The following EML1 variants were observed in gnomAD, a reference collection of about 807,000 sequenced individuals.
EML1 encodes the protein echinoderm microtubule-associated protein-like 1.
EML1 carries 27 observed loss-of-function variants against 110.4 expected under a neutral mutation model. The ratio of observed to expected loss-of-function variants is 0.24; its 90% CI spans 0.18 to 0.34. The LOEUF (loss-of-function observed/expected upper bound fraction) is 0.34. Ranked by LOEUF, EML1 falls within the 10% of genes least tolerant of loss-of-function variation. The pLI is 1.00. For missense variants in EML1, 741 were observed against 1,030.9 expected (o/e 0.72, Z 3.85); for synonymous variants, 344 against 385.8 (o/e 0.89, Z 1.27).
intron 1 of EML1, among the ~76,000 whole-genome samples, chr14:99,800,474 A>G (rs757118476): frequency 3.3e-5 from 5 of 151,704 alleles, no homozygotes; most frequent in Non-Finnish European, 7.4e-5. Context: ...CAATCCTCAC[A>G]CCTCAGCCTC....
Position 99,937,844 on chromosome 14 carries a change from T to C in EML1, c.2123T>C (p.Val708Ala). The C allele has an allele frequency of 6.2e-7, 1 of 1,614,138 alleles. No individual in the cohort carries two copies. The highest frequency in any genetic ancestry group is 8.5e-7 in the Non-Finnish European group (1 of 1,179,996). ...YWVPSACKQV[V>A]SVETTRDIEW... ...GTTCCCTCTGCCTGTAAGCAAGTCGTAAGTGTGGAAACTACAAGAGACATT... is the reference window on the plus strand; with the variant it reads ...GTTCCCTCTGCCTGTAAGCAAGTCGCAAGTGTGGAAACTACAAGAGACATT... Residue 708 changes from valine to alanine, a missense_variant, in exon 20 of 22, where the codon GTA becomes GCA. Physicochemically the swap from Val to Ala is moderately conservative, Grantham distance 64. This residue lies in a region of EML1 where 388 missense variants were observed against 605.6 expected (regional missense o/e 0.64). Transcript: ENST00000262233.
At chr14:99,899,673 T>C (rs1013593425) in intron 8 of EML1, among the ~76,000 whole-genome samples, 11 of 151,960 alleles carry the variant, frequency 7.2e-5, no homozygotes, top group African/African-American at 2.7e-4. Context: ...ATCAGACCAC[T>C]ATTATGTAAA....
intron 3 of EML1, among the ~76,000 whole-genome samples, chr14:99,869,153 C>CCAGACACATTTT (rs1259071831): frequency 6.6e-6 from 1 of 152,130 alleles, no homozygotes; most frequent in African/African-American, 2.4e-5. Flanking sequence ...CTTTATTGTG[C>CCAGACACATTTT]TTTAGAGATA....
intron 1 of EML1, among the ~76,000 whole-genome samples, chr14:99,810,404 T>C (rs1393176204): frequency 6.6e-6 from 1 of 152,184 alleles, no homozygotes; most frequent in Non-Finnish European, 1.5e-5. Context: ...ACATCTGCGG[T>C]TTATGGTTTT....
intron 17 of EML1, among the ~76,000 whole-genome samples, chr14:99,922,787 C>T (rs1244210003): frequency 6.6e-6 from 1 of 152,090 alleles, no homozygotes; most frequent in African/African-American, 2.4e-5. Context: ...CCAATATCTT[C>T]TTTGGTGAAA....
chr14:99,914,432 T>C, intron 14 of EML1, 128 bp downstream of exon 14: 5 of 1,528,982 alleles, frequency 3.3e-6, no homozygotes, highest in South Asian at 1.3e-5. Context: ...CTGTGGCTGC[T>C]GAAAGATGGG....
chr14:99,824,615 G>A (rs1292660247), intron 1 of EML1, among the ~76,000 whole-genome samples: 1 of 151,346 alleles, frequency 6.6e-6, no homozygotes, highest in African/African-American at 2.4e-5. Context: ...TGTAAAAATC[G>A]CTTTAGGGGT....
At position 99,897,286 on chromosome 14, in the gene EML1, C is replaced by T. The variant is rs200809929; in HGVS notation, c.819C>T (p.Asp273=). The change falls in exon 7 of 22, where the codon GAC becomes GAT. Residue 273 remains aspartate (D), a synonymous_variant. Coordinates refer to ENST00000262233, the MANE Select transcript of EML1 (RefSeq NM_004434.3). The part of the protein sequence containing the change: ...LQRHYAGHND[D]VKCLAVHPDR... ...GGCATTACGCTGGCCACAACGATGA[C>T]GTGAAGTGGTAAGTCCTGAAACAGG... 1.8e-4 allele frequency: 282 copies of T among 1,608,070 alleles called. No individual in the cohort carries two copies. The highest frequency in any genetic ancestry group is 2.1e-4 in the Non-Finnish European group (253 of 1,177,546).
intron 1 of EML1, among the ~76,000 whole-genome samples, chr14:99,806,196 T>C (rs761973610): frequency 3.9e-5 from 6 of 152,154 alleles, no homozygotes; most frequent in Non-Finnish European, 8.8e-5. Context: ...GTGGGATAAT[T>C]ACCTGCACAT....
At chr14:99,860,812 T>TC (rs987412950) in intron 2 of EML1, among the ~76,000 whole-genome samples, 1 of 151,514 alleles carries the variant, frequency 6.6e-6, no homozygotes, top group Non-Finnish European at 1.5e-5. Context: ...CCCCTTCCCA[T>TC]CCCTCTCCTC....
At chr14:99,859,656 C>A (rs141332461) in intron 2 of EML1, among the ~76,000 whole-genome samples, 1 of 152,132 alleles carries the variant, frequency 6.6e-6, no homozygotes, top group Admixed American at 6.5e-5. Flanking sequence ...TCTCCACTAC[C>A]TCCCCCACTC....
At chr14:99,786,430 T>G (rs2057600705) in intron 1 of EML1, among the ~76,000 whole-genome samples, 1 of 152,224 alleles carries the variant, frequency 6.6e-6, no homozygotes, top group Non-Finnish European at 1.5e-5. Flanking sequence ...ACGTTCAACC[T>G]TGTGTCAAGC....
intron 1 of EML1, among the ~76,000 whole-genome samples, chr14:99,745,760 A>G (rs1217944553): frequency 6.6e-6 from 1 of 152,210 alleles, no homozygotes; most frequent in East Asian, 1.9e-4. Context: ...TTTGGGTGGA[A>G]AAACATGTCA....
chr14:99,888,823 G>C (rs2059529876), intron 4 of EML1, among the ~76,000 whole-genome samples: 1 of 152,086 alleles, frequency 6.6e-6, no homozygotes, highest in Admixed American at 6.5e-5. Context: ...GAGAAAAGGG[G>C]AGCCCTCTTA....
intron 5 of EML1, among the ~76,000 whole-genome samples, chr14:99,893,448 A>G (rs1397644169): frequency 6.6e-6 from 1 of 152,196 alleles, no homozygotes; most frequent in African/African-American, 2.4e-5. Flanking sequence ...GATCGCGTTC[A>G]TGACTCTCAC....
In EML1 at chr14:99,911,438, C is replaced by A; in HGVS notation, c.1356C>A (p.Ser452Arg). 2 of 1,603,492 alleles carry A rather than the reference C, an allele frequency of 1.2e-6. No individual in the cohort carries two copies. Among genetic ancestry groups the A allele is most frequent in the Non-Finnish European group, 1.7e-6 (2 of 1,177,994 alleles). Residue 452 changes from serine (S) to arginine (R), a missense_variant, in exon 13 of 22, where the codon AGC becomes AGA. Physicochemically the swap from Ser to Arg is moderately radical, Grantham distance 110 (BLOSUM62 -1). Around this residue, in one of 4 missense-constraint regions of EML1, gnomAD observed 388 missense variants for 605.6 expected, o/e 0.64. Transcript: ENST00000262233. ...LVWGKGTNRI[S>R]YAVQGAHEGG... The stretch of plus-strand genomic sequence containing the variant: ...TGTGTTTAGGTACAAATCGAATAAG[C>A]TATGCAGTTCAGGGGGCCCATGAGG...
intron 2 of EML1, 123 bp from the exon 3 acceptor site, chr14:99,865,391 T>C: frequency 8.0e-7 from 1 of 1,248,618 alleles, no homozygotes; most frequent in East Asian, 2.4e-5. Context: ...GCTCACTCGC[T>C]CACTGCTCAC....
rs369644338 is a variant in EML1, at chr14:99,862,640, T to C, written c.251-2874T>C. ...TTTGTGGCTCAAATTGTTCCAGCTT[T>C]GGCCTTTGGGAGCTCTTTCAGTTAG... On this transcript the variant is annotated intron_variant, in intron 2 of 21. Transcript: ENST00000262233. Among the ~76,000 whole-genome samples, 9 of 152,352 alleles carry C rather than the reference T, an allele frequency of 5.9e-5. No homozygotes were observed. The East Asian group carries it at 1.5e-3, about 26-fold the overall frequency.
At chr14:99,828,409 T>C (rs1232096678) in intron 1 of EML1, among the ~76,000 whole-genome samples, 1 of 152,218 alleles carries the variant, frequency 6.6e-6, no homozygotes, top group African/African-American at 2.4e-5. Flanking sequence ...CGTTATCAAA[T>C]GACTATCATG....
Sources: allele counts gnomAD v4.1 joint callset (sites outside exome capture counted in the v4.1 genomes callset), GRCh38; gene constraint gnomAD v4.1.1; regional missense constraint gnomAD v4.1.1; transcripts MANE v1.5; gene names NCBI Gene and HGNC (gene_info 2026-07-23, HGNC 2026-07-21).